TMEM254: variants seen among roughly 807,000 people sequenced by gnomAD.
The protein encoded by TMEM254 is transmembrane protein 254, also known as transmembrane protein C10orf57.
Under a neutral mutation model 13.9 loss-of-function variants are expected in TMEM254, and 16 were observed. The observed-to-expected ratio is 1.15, with a 90% CI of 0.78 to 1.75. TMEM254 has a LOEUF of 1.75. Among genes scored for constraint, TMEM254 ranks in the 40% most tolerant of loss-of-function variants. TMEM254 has a pLI of 0.00. For missense variants in TMEM254, 155 were observed against 149.0 expected (o/e 1.04, Z -0.21); for synonymous variants, 61 against 56.4 (o/e 1.08, Z -0.36).
chr10:80,086,468 AT>A (rs34852995), intron 3 of TMEM254: 152,680 of 339,364 alleles, frequency 0.45, 35,566 homozygotes, highest in East Asian at 0.69. Flanking sequence ...AAAACAAAAT[AT>A]TTTTGTTGTT....
In TMEM254 at chr10:80,084,196, T is replaced by A. The variant is rs1252812401; in HGVS notation, c.251+1992T>A. Among the ~76,000 whole-genome samples, 7 of 152,170 alleles carry A rather than the reference T, an allele frequency of 4.6e-5. No individual in the cohort carries two copies. The South Asian group carries it at 1.2e-3, about 27-fold the overall frequency. ...ATTGGCTCTTTCTCTCTAGAGGGGA[T>A]GTGGTAGATTTTTGAGACACTACTC... On this transcript the variant is annotated intron_variant, in intron 3 of 3. Transcript: ENST00000372281.
intron 3 of TMEM254, among the ~76,000 whole-genome samples, chr10:80,083,105 CT>C (rs57014602): frequency 8.8e-4 from 94 of 106,344 alleles, no homozygotes; most frequent in Admixed American, 1.1e-3. Flanking sequence ...ATAAGCTAGA[CT>C]TTTTTTTTTT....
chr10:80,083,738 C>T (rs1049066988), intron 3 of TMEM254, among the ~76,000 whole-genome samples: 15 of 152,056 alleles, frequency 9.9e-5, no homozygotes, highest in Non-Finnish European at 2.2e-4. Context: ...CTTGTGGTCC[C>T]TTGGGATAGT....
intron 3 of TMEM254, among the ~76,000 whole-genome samples, chr10:80,089,051 A>G (rs1564573637): frequency 1.3e-5 from 2 of 151,974 alleles, no homozygotes; most frequent in African/African-American, 2.4e-5. Flanking sequence ...AATTTTTTAT[A>G]TTGACCTTAT....
At chr10:80,079,829 T>G in intron 1 of TMEM254, 2 of 419,878 alleles carry the variant, frequency 4.8e-6, no homozygotes, top group Non-Finnish European at 6.4e-6. Flanking sequence ...TCTCATGTCT[T>G]TACCTGTAGC....
At chr10:80,088,835 C>T (rs547617224) in intron 3 of TMEM254, among the ~76,000 whole-genome samples, 12 of 151,332 alleles carry the variant, frequency 7.9e-5, no homozygotes, top group African/African-American at 1.7e-4. Context: ...TGGGCTCAAG[C>T]GATCCACCTG....
chr10:80,081,760 C>A (rs1455905625), intron 1 of TMEM254, 81 bp from the exon 2 acceptor site: 3 of 1,609,756 alleles, frequency 1.9e-6, no homozygotes, highest in Non-Finnish European at 2.5e-6. Context: ...TTTACTGTTT[C>A]ACAGCCTTTC....
rs1440442480 is a variant in TMEM254, at chr10:80,090,848, TTTC to T, written c.309_311del (p.Phe104del). 3 of 1,614,054 alleles carry T rather than the reference TTTC, an allele frequency of 1.9e-6. No individual in the cohort carries two copies. The East Asian group carries it at 6.7e-5, about 36-fold the overall frequency. On this transcript the variant is annotated inframe_deletion, in exon 4 of 4. Coordinates refer to ENST00000372281, the MANE Select transcript of TMEM254 (RefSeq NM_025125.4). Reference sequence around the variant, plus strand: ...CTCAGCTACTCTGGTTCCTACAGACTTTCTTCTTTGGGATAGCGTCTCTCACCA... The same window carrying T: ...CTCAGCTACTCTGGTTCCTACAGACTTTCTTTGGGATAGCGTCTCTCACCA...
chr10:80,081,742 G>T, intron 1 of TMEM254, 99 bp from the exon 2 acceptor site: 1 of 1,609,578 alleles, frequency 6.2e-7, no homozygotes, highest in Non-Finnish European at 8.5e-7. Context: ...TCGGTCTGTG[G>T]TAATTTTTTT....
intron 1 of TMEM254, chr10:80,079,306 A>G: frequency 1.7e-6 from 2 of 1,201,888 alleles, no homozygotes; most frequent in South Asian, 3.1e-5. Flanking sequence ...TCGGTTACTC[A>G]TGTAAGCGGA....
At chr10:80,089,713 G>C (rs1473158361) in intron 3 of TMEM254, among the ~76,000 whole-genome samples, 2 of 151,804 alleles carry the variant, frequency 1.3e-5, no homozygotes, top group African/African-American at 4.8e-5. Context: ...GTTGAAATTT[G>C]TCAAATGCAG....
chr10:80,090,750 CTG>C, intron 3 of TMEM254, 45 bp from the exon 4 acceptor site: 1 of 1,579,830 alleles, frequency 6.3e-7, no homozygotes, highest in South Asian at 1.2e-5. Context: ...TCCCATGAAA[CTG>C]TAAGATTAAC....
Position 80,078,787 on chromosome 10 carries a change from G to T in TMEM254, c.87+1G>T. 1 of 1,600,716 alleles carries T rather than the reference G, an allele frequency of 6.2e-7. No homozygotes were observed. Reference sequence around the variant, plus strand: ...CACCCTCAGCTTTGGCTACTACACAGTAAGGACAGCCGCTGGAGCGCTACG... The same window carrying T: ...CACCCTCAGCTTTGGCTACTACACATTAAGGACAGCCGCTGGAGCGCTACG... On this transcript the variant is annotated splice_donor_variant, in intron 1 of 3. Transcript: ENST00000372281. LOFTEE classifies it high-confidence loss of function.
At chr10:80,079,587 G>A in intron 1 of TMEM254, 1 of 990,058 alleles carries the variant, frequency 1.0e-6, no homozygotes, top group South Asian at 4.6e-5. Flanking sequence ...TAACTGTTCT[G>A]ACATAGGTGT....
chr10:80,082,150 G>C lies in TMEM254; in HGVS notation c.197G>C (p.Trp66Ser). The change falls in exon 3 of 4, where the codon TGG (tryptophan) becomes TCG (serine). Residue 66 changes from tryptophan (W) to serine (S), a missense_variant. Transcript: ENST00000372281. ...HHHTLLCNGY[W>S]LAWLIHVGES... is the part of the protein sequence containing the mutation. ...AACCTTTTTTTTGGTTTCAGGTATTGGCTTGCCTGGCTGATTCATGTGGGA... is the reference window on the plus strand; with the variant it reads ...AACCTTTTTTTTGGTTTCAGGTATTCGCTTGCCTGGCTGATTCATGTGGGA... 1 of 1,614,142 alleles carries C rather than the reference G, an allele frequency of 6.2e-7. No homozygotes were observed. The highest frequency in any genetic ancestry group is 1.1e-5 in the South Asian group (1 of 91,070).
In TMEM254 at chr10:80,091,135, T is replaced by G; in HGVS notation, c.*218T>G. 1 of 492,442 alleles carries G rather than the reference T, an allele frequency of 2.0e-6. No homozygotes were observed. The highest frequency in any genetic ancestry group is 3.4e-6 in the Non-Finnish European group (1 of 293,370). 30.5% of individuals were successfully genotyped at this position (492,442 alleles called of 1,614,324 possible). On this transcript the variant is annotated 3_prime_UTR_variant, in exon 4 of 4. Transcript: ENST00000372281. ...ACTTAAGAAAGAAACAGAGAAAGATTTTAGCTTTTCAATCCTATTTGGCAG... is the reference window on the plus strand; with the variant it reads ...ACTTAAGAAAGAAACAGAGAAAGATGTTAGCTTTTCAATCCTATTTGGCAG...
chr10:80,078,958 A>G, intron 1 of TMEM254, 172 bp downstream of exon 1: 2 of 1,533,644 alleles, frequency 1.3e-6, no homozygotes, highest in Non-Finnish European at 8.8e-7. Flanking sequence ...GAGCAAGCAT[A>G]CTGGTCCGCC....
intron 3 of TMEM254, chr10:80,086,418 A>T: frequency 2.5e-6 from 1 of 404,746 alleles, no homozygotes; most frequent in African/African-American, 2.1e-5. Flanking sequence ...TCTTTACTAA[A>T]TATCATACAC....
chr10:80,081,560 T>C lies in TMEM254; in HGVS notation c.88-281T>C, dbSNP rs550121240. 5 of 849,068 alleles carry C rather than the reference T, an allele frequency of 5.9e-6. No homozygotes were observed. The East Asian group carries it at 1.3e-4, about 23-fold the overall frequency. The allele number at this position is 849,068 out of a possible 1,614,324, so 52.6% of individuals were successfully genotyped here. ...GCACACACGTGTAGTCCCATCTACT[T>C]GGGAGGCTGAGGTGGGAGGATGGAT... On this transcript the variant is annotated intron_variant, in intron 1 of 3. Coordinates refer to ENST00000372281, the MANE Select transcript of TMEM254 (RefSeq NM_025125.4).
Sources: allele counts gnomAD v4.1 joint callset (sites outside exome capture counted in the v4.1 genomes callset), GRCh38; gene constraint gnomAD v4.1.1; transcripts MANE v1.5; gene names NCBI Gene and HGNC (gene_info 2026-07-23, HGNC 2026-07-21).